Variants in SLC33A2 observed in about 807,000 individuals in gnomAD.
SLC33A2 encodes major facilitator superfamily domain containing 3.
chr8:144,510,507 G>A, the SLC33A2 span: 4 of 1,612,562 alleles, frequency 2.5e-6, no homozygotes, highest in East Asian at 4.5e-5. Flanking sequence ...GCCAAGCACT[G>A]GTGAGCCCTC....
the SLC33A2 span, chr8:144,509,602 C>T: frequency 6.5e-7 from 1 of 1,547,576 alleles, no homozygotes; most frequent in Non-Finnish European, 8.7e-7. Flanking sequence ...CTGCCCCCTC[C>T]TGGAGCTGGC....
the SLC33A2 span, chr8:144,510,792 A>G: frequency 1.2e-6 from 2 of 1,611,420 alleles, no homozygotes; most frequent in East Asian, 2.2e-5. Context: ...CTGCCCTCCC[A>G]GGGTCAGCCT....
At chr8:144,510,903 G>A in the SLC33A2 span, 7 of 1,604,676 alleles carry the variant, frequency 4.4e-6, 1 homozygote, top group South Asian at 3.3e-5. Flanking sequence ...GGGCCCTGCA[G>A]GTGAGTAGAT....
chr8:144,510,585 A>G, the SLC33A2 span: 1 of 1,585,390 alleles, frequency 6.3e-7, no homozygotes, highest in Non-Finnish European at 8.6e-7. Flanking sequence ...CCCATTTCCC[A>G]CCCCCATCCC....
At chr8:144,509,723 C>G in the SLC33A2 span, 3 of 1,568,030 alleles carry the variant, frequency 1.9e-6, no homozygotes, top group South Asian at 2.3e-5. Flanking sequence ...TGGAGCCGGC[C>G]GAACTGGGGC....
the SLC33A2 span, chr8:144,511,060 G>A: frequency 3.7e-6 from 6 of 1,607,156 alleles, no homozygotes; most frequent in Non-Finnish European, 4.2e-6. Flanking sequence ...TCTGGCCGGA[G>A]GCCTGGCTGA....
At chr8:144,509,845 C>T in the SLC33A2 span, 16 of 1,537,436 alleles carry the variant, frequency 1.0e-5, no homozygotes, top group Non-Finnish European at 1.4e-5. Flanking sequence ...CTGCTCCTGG[C>T]TGCCACCTAC....
the SLC33A2 span, chr8:144,509,851 C>G: frequency 6.5e-7 from 1 of 1,538,450 alleles, no homozygotes; most frequent in Non-Finnish European, 8.7e-7. Flanking sequence ...CTGGCTGCCA[C>G]CTACTGGCTG....
the SLC33A2 span, chr8:144,510,914 G>A: frequency 6.2e-7 from 1 of 1,603,056 alleles, no homozygotes; most frequent in South Asian, 1.1e-5. Flanking sequence ...GTGAGTAGAT[G>A]TAGCAGGGAC....
the SLC33A2 span, chr8:144,510,927 AAG>A: frequency 3.7e-6 from 6 of 1,600,750 alleles, no homozygotes; most frequent in Non-Finnish European, 4.2e-6. Context: ...GCAGGGACAC[AAG>A]AGAGACCACG....
the SLC33A2 span, chr8:144,509,747 G>T: frequency 2.6e-6 from 4 of 1,566,120 alleles, no homozygotes; most frequent in Non-Finnish European, 3.4e-6. Context: ...GCAATACCGT[G>T]CAGGTGGTCG....
At chr8:144,509,834 T>G in the SLC33A2 span, 2 of 1,538,228 alleles carry the variant, frequency 1.3e-6, no homozygotes, top group Non-Finnish European at 1.7e-6. Flanking sequence ...CGCAACTCTT[T>G]CTGCTCCTGG....
At chr8:144,509,411 G>A in the SLC33A2 span, 1 of 1,528,822 alleles carries the variant, frequency 6.5e-7, no homozygotes, top group Non-Finnish European at 8.7e-7. Context: ...CCGGCCTCCT[G>A]CCAGTGCTGC....
chr8:144,509,168 C>G, the SLC33A2 span: 2 of 653,070 alleles, frequency 3.1e-6, no homozygotes, highest in Admixed American at 4.0e-5. Flanking sequence ...CTCCTAAAGC[C>G]CGAGAGCACG....
chr8:144,509,170 G>A, the SLC33A2 span: 7 of 654,388 alleles, frequency 1.1e-5, no homozygotes, highest in African/African-American at 9.6e-5. Context: ...CCTAAAGCCC[G>A]AGAGCACGTG....
the SLC33A2 span, chr8:144,509,099 G>T: frequency 4.5e-6 from 2 of 440,432 alleles, no homozygotes; most frequent in African/African-American, 2.0e-5. Flanking sequence ...GCCGGCCGCC[G>T]GTGTCCGGAC....
chr8:144,509,543 G>T, the SLC33A2 span: 6 of 1,521,546 alleles, frequency 3.9e-6, no homozygotes, highest in Admixed American at 1.0e-4. Flanking sequence ...GGGCCTGGGT[G>T]ACGCGCAGCA....
chr8:144,509,557 C>T, the SLC33A2 span: 1 of 1,517,520 alleles, frequency 6.6e-7, no homozygotes, highest in South Asian at 1.2e-5. Flanking sequence ...CGCAGCACGG[C>T]GGGCCTGGGC....
chr8:144,509,374 T>TGCA, the SLC33A2 span: 7 of 1,517,954 alleles, frequency 4.6e-6, no homozygotes, highest in Non-Finnish European at 6.1e-6. Flanking sequence ...CTCTACCTGG[T>TGCA]GCAGGGCCTG....
Sources: allele counts gnomAD v4.1 joint callset, GRCh38; gene constraint gnomAD v4.1.1; transcripts MANE v1.5; gene names NCBI Gene and HGNC (gene_info 2026-07-23, HGNC 2026-07-21).